The following GRIK5 variants were observed in gnomAD, a reference collection of about 807,000 sequenced individuals.
GRIK5 encodes the protein glutamate receptor ionotropic, kainate 5.
GRIK5 carries 43 observed loss-of-function variants against 97.4 expected under a neutral mutation model. The ratio of observed to expected loss-of-function variants is 0.44; its 90% CI spans 0.35 to 0.57. The LOEUF is 0.57. GRIK5 is among the 20% of genes least tolerant of loss of function. GRIK5 has a pLI of 0.01. For missense variants in GRIK5, 1,015 were observed against 1,382.0 expected, an observed-to-expected ratio of 0.73 and a Z score of 4.21; for synonymous variants, 580 against 583.5, an observed-to-expected ratio of 0.99 and a Z score of 0.09.
intron 6 of GRIK5, among the ~76,000 whole-genome samples, chr19:42,058,939 C>T (rs896215017): frequency 2.6e-5 from 4 of 152,134 alleles, no homozygotes; most frequent in African/African-American, 7.2e-5. Context: ...AGATCTGACT[C>T]GGGGCCAGGC....
chr19:42,001,885 G>C, intron 19 of GRIK5: 2 of 543,014 alleles, frequency 3.7e-6, no homozygotes, highest in South Asian at 2.7e-5. Context: ...TGGCTGGTGG[G>C]ATCATTCAAG....
At chr19:42,018,360 A>G (rs1358324355) in intron 15 of GRIK5, among the ~76,000 whole-genome samples, 2 of 149,622 alleles carry the variant, frequency 1.3e-5, no homozygotes, top group Non-Finnish European at 3.0e-5. Context: ...GAAATAAAGA[A>G]ATGTTGCTTC....
At chr19:42,049,208 C>T (rs902156034) in intron 11 of GRIK5, among the ~76,000 whole-genome samples, 4 of 152,114 alleles carry the variant, frequency 2.6e-5, no homozygotes, top group Admixed American at 2.0e-4. Context: ...CATTCGCTGC[C>T]GCTGGGAATG....
At chr19:42,039,870 C>A (rs1189530831) in intron 12 of GRIK5, among the ~76,000 whole-genome samples, 2 of 151,826 alleles carry the variant, frequency 1.3e-5, no homozygotes, top group Non-Finnish European at 2.9e-5. Context: ...GTCCCAGCAA[C>A]TCGGGAGGCT....
At chr19:42,049,951 A>T (rs574579908) in intron 11 of GRIK5, among the ~76,000 whole-genome samples, 1 of 151,920 alleles carries the variant, frequency 6.6e-6, no homozygotes, top group South Asian at 2.1e-4. Context: ...TATTATTATT[A>T]TTTTTAGACA....
chr19:42,011,295 G>A (rs2075558881), intron 15 of GRIK5, among the ~76,000 whole-genome samples: 1 of 151,630 alleles, frequency 6.6e-6, no homozygotes, highest in Non-Finnish European at 1.5e-5. Context: ...GTTTACGCCT[G>A]TAATCCCAGC....
Position 42,003,667 on chromosome 19 carries a change from A to T in GRIK5, c.2280T>A (p.Asp760Glu), listed in dbSNP as rs978613618. 2 of 1,608,144 alleles carry T rather than the reference A, an allele frequency of 1.2e-6. No homozygotes were observed. The highest frequency in any genetic ancestry group is 1.7e-6 in the Non-Finnish European group (2 of 1,175,378). ...IGMPLGSPFRDEITLAILQLQ... is the reference protein window; with the variant it reads ...IGMPLGSPFREEITLAILQLQ... The stretch of plus-strand genomic sequence containing the variant: ...GCTGCAGGATGGCCAGTGTGATCTC[A>T]TCCCGGAACGGGGAGCCTGGGCAGG... Residue 760 changes from aspartate to glutamate, a missense_variant, in exon 18 of 20, where the codon GAT becomes GAA. Around this residue, in one of 5 missense-constraint regions of GRIK5, gnomAD observed 229 missense variants for 341.0 expected, o/e 0.67. Coordinates refer to ENST00000593562, the MANE Select transcript of GRIK5 (RefSeq NM_002088.5). The surrounding 1 kb of genome is among the most constrained non-coding windows in gnomAD (Gnocchi z 4.2).
At position 42,049,977 on chromosome 19, in the gene GRIK5, G is replaced by A. The variant is rs191396906; in HGVS notation, c.1269+3625C>T. On this transcript the variant is annotated intron_variant, in intron 11 of 19. Coordinates refer to ENST00000593562, the MANE Select transcript of GRIK5 (RefSeq NM_002088.5). ...TTTTTAGACAGGGTCTCACTCTGTCGCCCTGGCAGTGGTATGATCTGGGCT... is the reference window on the plus strand; with the variant it reads ...TTTTTAGACAGGGTCTCACTCTGTCACCCTGGCAGTGGTATGATCTGGGCT... Among the ~76,000 whole-genome samples, 4 of 151,834 alleles carry A rather than the reference G, an allele frequency of 2.6e-5. No individual in the cohort carries two copies. The East Asian group carries it at 7.7e-4, about 29-fold the overall frequency.
rs1246745307 is a variant in GRIK5 at position 42,003,061 on chromosome 19, C to T, written c.2514+271G>A. 6.6e-6 allele frequency among the ~76,000 whole-genome samples: 1 copy of T among 152,006 alleles called. No individual in the cohort carries two copies. The highest frequency in any genetic ancestry group is 6.5e-5 in the Admixed American group (1 of 15,276). On this transcript the variant is annotated intron_variant, in intron 19 of 19. Coordinates refer to ENST00000593562, the MANE Select transcript of GRIK5 (RefSeq NM_002088.5). The surrounding 1 kb of genome is among the most constrained non-coding windows in gnomAD (Gnocchi z 4.2). ...CTGTTTCTCTTCTTATTTCTTCTTG[C>T]TTTTCTGCCTCTGTGGCTCCCCACA... is the stretch of plus-strand genomic sequence containing the variant.
chr19:42,058,600 G>A (rs1345669775), intron 6 of GRIK5, among the ~76,000 whole-genome samples: 10 of 150,788 alleles, frequency 6.6e-5, no homozygotes, highest in Non-Finnish European at 1.3e-4. Flanking sequence ...GGCTGAGGCA[G>A]GCAGATCACG....
Position 42,053,716 on chromosome 19 carries a change from G to T in GRIK5, c.1162-7C>A. Reference sequence around the variant, plus strand: ...TAGAGTACCACACCCCAATCTAGGGGGCAGAGAGGGTGCTGTCAGCTCAGG... The same window carrying T: ...TAGAGTACCACACCCCAATCTAGGGTGCAGAGAGGGTGCTGTCAGCTCAGG... On this transcript the variant is annotated splice_region_variant and splice_polypyrimidine_tract_variant and intron_variant, in intron 10 of 19. Transcript: ENST00000593562. 3 of 1,587,328 alleles carry T rather than the reference G, an allele frequency of 1.9e-6. No homozygotes were observed. The highest frequency in any genetic ancestry group is 1.1e-5 in the South Asian group (1 of 90,532).
chr19:42,039,826 A>G (rs1420090275), intron 12 of GRIK5, among the ~76,000 whole-genome samples: 2 of 151,978 alleles, frequency 1.3e-5, no homozygotes, highest in African/African-American at 4.8e-5. Context: ...CAAAAAACAC[A>G]AAAATTACCT....
intron 12 of GRIK5, among the ~76,000 whole-genome samples, chr19:42,036,827 G>C (rs1180532345): frequency 6.6e-6 from 1 of 152,198 alleles, no homozygotes; most frequent in Non-Finnish European, 1.5e-5. Flanking sequence ...CCAGGGTGTG[G>C]AGGCCACAGG....
rs998497719 is a variant in GRIK5, at chr19:42,062,069, T to G, written c.508+419A>C. ...ACCCTTCAGGTTCAGCTTGGATGTC[T>G]CTTTCTCATAGACACAGGCTCTGAA... is the stretch of plus-strand genomic sequence containing the variant. On this transcript the variant is annotated intron_variant, in intron 5 of 19. Coordinates refer to ENST00000593562, the MANE Select transcript of GRIK5 (RefSeq NM_002088.5). This position sits in a 1 kb window ranked among gnomAD's most constrained non-coding sequence, Gnocchi z 5.3. 2.0e-5 allele frequency among the ~76,000 whole-genome samples: 3 copies of G among 152,146 alleles called. No individual in the cohort carries two copies. Among genetic ancestry groups the G allele is most frequent in the Non-Finnish European group, 4.4e-5 (3 of 68,018 alleles).
At chr19:42,051,794 T>C (rs2076120186) in intron 11 of GRIK5, among the ~76,000 whole-genome samples, 1 of 152,172 alleles carries the variant, frequency 6.6e-6, no homozygotes, top group African/African-American at 2.4e-5. Context: ...GTTGCCTCCC[T>C]GTTCAACCTG....
At chr19:42,033,018 C>T (rs1043178941) in intron 12 of GRIK5, among the ~76,000 whole-genome samples, 4 of 152,136 alleles carry the variant, frequency 2.6e-5, no homozygotes, top group African/African-American at 9.7e-5. Context: ...GAATATTATT[C>T]AGCCATAAAA....
chr19:42,048,991 C>T (rs1292038335), intron 11 of GRIK5, among the ~76,000 whole-genome samples: 3 of 148,456 alleles, frequency 2.0e-5, no homozygotes, highest in Admixed American at 6.7e-5. Flanking sequence ...CAGTGAGCTA[C>T]GATTGGGCCA....
At chr19:42,000,563 C>T (rs2075415683) in intron 19 of GRIK5, among the ~76,000 whole-genome samples, 1 of 152,142 alleles carries the variant, frequency 6.6e-6, no homozygotes, top group Non-Finnish European at 1.5e-5. Context: ...ATCAGATATC[C>T]AAGTGGAGAT....
chr19:42,021,957 G>A lies in GRIK5; in HGVS notation c.1687C>T (p.Leu563=). The change falls in exon 14 of 20, where the codon CTG becomes TTG. Residue 563 remains leucine, a synonymous_variant. Transcript: ENST00000593562. This position sits in a 1 kb window ranked among gnomAD's most constrained non-coding sequence, Gnocchi z 4.2. ...AGGCAGTGGACTCACCTGGCAGCCA[G>A]AAACAGGACGCAGCTGACAGCCAGG... The part of the protein sequence containing the change: ...AYLAVSCVLF[L]AARLSPYEWY... The A allele has an allele frequency of 6.2e-7, 1 of 1,612,212 alleles. No homozygotes were observed. Among genetic ancestry groups the A allele is most frequent in the Non-Finnish European group, 8.5e-7 (1 of 1,178,478 alleles).
Sources: gnomAD v4.1 joint callset for allele counts (sites outside exome capture counted in the v4.1 genomes callset) on GRCh38, gnomAD v4.1.1 for gene constraint, gnomAD v4.1.1 regional missense constraint, Gnocchi (gnomAD v3.1) non-coding constraint, MANE v1.5 for transcripts, NCBI Gene and HGNC (gene_info 2026-07-23, HGNC 2026-07-21) for gene names.